Variants in ZNF385D observed in about 807,000 individuals in gnomAD.
ZNF385D encodes the protein zinc finger protein 659.
A neutral mutation model predicts 35.8 loss-of-function variants in ZNF385D; 15 were observed. The ratio of observed to expected loss-of-function variants is 0.42; its 90% CI spans 0.28 to 0.64. The LOEUF is 0.64. ZNF385D is among the 30% of genes least tolerant of loss of function. The pLI, the probability that ZNF385D is intolerant of heterozygous loss-of-function variation, is 0.23. For synonymous variants in ZNF385D, 212 were observed against 186.8 expected (o/e 1.13, Z -1.10); for missense variants, 474 against 494.6 (o/e 0.96, Z 0.39).
At chr3:22,164,698 T>C (rs1414776070) in intron 3 of ZNF385D, among the ~76,000 whole-genome samples, 1 of 151,928 alleles carries the variant, frequency 6.6e-6, no homozygotes, top group Non-Finnish European at 1.5e-5. Context: ...CTCTGTTGTA[T>C]AATGCTTTAA....
At chr3:22,126,735 G>T (rs1190283229) in intron 3 of ZNF385D, among the ~76,000 whole-genome samples, 2 of 152,048 alleles carry the variant, frequency 1.3e-5, no homozygotes, top group Non-Finnish European at 1.5e-5. Flanking sequence ...ATATCTCTTT[G>T]TTGATTTTCT....
At chr3:22,155,480 G>A (rs1021695138) in intron 3 of ZNF385D, among the ~76,000 whole-genome samples, 1 of 151,996 alleles carries the variant, frequency 6.6e-6, no homozygotes, top group African/African-American at 2.4e-5. Context: ...AGAATAGCAA[G>A]AATTACAAAC....
intron 3 of ZNF385D, among the ~76,000 whole-genome samples, chr3:22,045,976 G>GA (rs1698983306): frequency 6.6e-6 from 1 of 152,066 alleles, no homozygotes; most frequent in East Asian, 1.9e-4. Flanking sequence ...CTCCAGGGAA[G>GA]AAAAATAATG....
chr3:21,906,317 G>A (rs189035954), intron 3 of ZNF385D, among the ~76,000 whole-genome samples: 1 of 152,258 alleles, frequency 6.6e-6, no homozygotes, highest in East Asian at 1.9e-4. Context: ...GATGAACATA[G>A]AAAGACGCAC....
intron 2 of ZNF385D, among the ~76,000 whole-genome samples, chr3:22,351,196 AATTGGT>A: frequency 6.6e-6 from 1 of 152,116 alleles, no homozygotes; most frequent in Admixed American, 6.6e-5. Flanking sequence ...AAGTAGCCAG[AATTGGT>A]TTTGTTTTCC....
In ZNF385D at chr3:22,113,657, A is replaced by G. The variant is rs530767267; in HGVS notation, c.325+55160T>C. On this transcript the variant is annotated intron_variant, in intron 3 of 5. Transcript: ENST00000494108. ...CACAGGACTGGTCTTGTTGCCAAAT[A>G]CTAGGAGTGTCTTAGAAGCCAGGGA... 3.3e-5 allele frequency among the ~76,000 whole-genome samples: 5 copies of G among 152,218 alleles called. No individual in the cohort carries two copies. In the South Asian group the frequency reaches 1.0e-3, roughly 32 times the overall value.
At chr3:21,733,978 T>C (rs1367761017) in intron 1 of ZNF385D, among the ~76,000 whole-genome samples, 3 of 152,030 alleles carry the variant, frequency 2.0e-5, no homozygotes, top group Non-Finnish European at 4.4e-5. Context: ...TATTTAATTA[T>C]TATGTTTTTT....
At chr3:21,814,649 T>C (rs1411671946) in intron 3 of ZNF385D, among the ~76,000 whole-genome samples, 4 of 152,192 alleles carry the variant, frequency 2.6e-5, no homozygotes, top group Non-Finnish European at 5.9e-5. Context: ...TAAATATATA[T>C]GCACCCAATA....
intron 3 of ZNF385D, among the ~76,000 whole-genome samples, chr3:22,164,959 A>G (rs923189337): frequency 6.6e-6 from 1 of 152,208 alleles, no homozygotes; most frequent in African/African-American, 2.4e-5. Flanking sequence ...GATATTCTGA[A>G]AAAGTCAAAA....
Position 21,681,298 on chromosome 3 carries a change from TAAAAAAAAAA to T in ZNF385D, c.23-16280_23-16271del, listed in dbSNP as rs55872870. On this transcript the variant is annotated intron_variant, in intron 1 of 7. Coordinates refer to ENST00000281523, the MANE Select transcript of ZNF385D (RefSeq NM_024697.3). ...AGCCTATGTGAATATATTCCATCAG[TAAAAAAAAAA>T]AAAAAAAAAAAAAAAACCTACATTT... 8.1e-3 allele frequency among the ~76,000 whole-genome samples: 521 copies of T among 64,482 alleles called. 14 individuals are homozygous for T. The South Asian group carries it at 0.1, about 13-fold the overall frequency. The allele number at this position is 64,482 out of a possible 152,430, so 42.3% of individuals were successfully genotyped here.
intron 3 of ZNF385D, among the ~76,000 whole-genome samples, chr3:21,934,043 C>T (rs1305687920): frequency 1.3e-5 from 2 of 151,594 alleles, no homozygotes; most frequent in Admixed American, 6.6e-5. Context: ...AAAAAAAGTG[C>T]TGAAAAATGA....
chr3:21,663,913 A>T (rs1399749505), intron 2 of ZNF385D, among the ~76,000 whole-genome samples: 1 of 121,432 alleles, frequency 8.2e-6, no homozygotes, highest in African/African-American at 3.1e-5. Flanking sequence ...ATATATATAT[A>T]TATATTTATT....
chr3:21,676,756 T>A (rs926284197), intron 1 of ZNF385D, among the ~76,000 whole-genome samples: 9 of 151,734 alleles, frequency 5.9e-5, no homozygotes, highest in Middle Eastern at 3.2e-3. Context: ...TAGGTAGAAT[T>A]AGAAACCAGA....
At chr3:21,664,374 CT>C (rs1229628274) in intron 2 of ZNF385D, among the ~76,000 whole-genome samples, 1 of 152,126 alleles carries the variant, frequency 6.6e-6, no homozygotes, top group Non-Finnish European at 1.5e-5. Flanking sequence ...CACTAAAACT[CT>C]TGCTACCAGA....
intron 3 of ZNF385D, among the ~76,000 whole-genome samples, chr3:22,021,359 A>G (rs1697215232): frequency 6.6e-6 from 1 of 152,056 alleles, no homozygotes; most frequent in African/African-American, 2.4e-5. Context: ...AAGAAATGTT[A>G]GAAATCCACA....
At chr3:22,286,703 TTCC>T (rs1702041812) in intron 2 of ZNF385D, among the ~76,000 whole-genome samples, 1 of 152,146 alleles carries the variant, frequency 6.6e-6, no homozygotes, top group Non-Finnish European at 1.5e-5. Flanking sequence ...CTTTCCATGA[TTCC>T]TCCTCTTACT....
chr3:22,088,986 T>C lies in ZNF385D; in HGVS notation c.325+79831A>G, dbSNP rs140978510. Among the ~76,000 whole-genome samples the C allele has an allele frequency of 4.9e-3, 749 of 152,316 alleles. 4 individuals carry two copies. Among genetic ancestry groups the C allele is most frequent in the African/African-American group, 0.017 (723 of 41,570 alleles). ...CACTCTTAAAAGATTTAATTGAAGA[T>C]TGTAAATTGTAACATTTACATCGTA... On this transcript the variant is annotated intron_variant, in intron 3 of 5. Coordinates refer to the ZNF385D transcript ENST00000494108.
rs544176074 is a variant in ZNF385D at position 22,287,949 on chromosome 3, A to C, written c.106+84501T>G. 4.3e-4 allele frequency among the ~76,000 whole-genome samples: 66 copies of C among 152,214 alleles called. No individual in the cohort carries two copies. The South Asian group carries it at 0.013, about 29-fold the overall frequency. On this transcript the variant is annotated intron_variant, in intron 2 of 5. Transcript: ENST00000494108. Reference sequence around the variant, plus strand: ...TTTTGTGAGGAAGTTCAGTGGGAATAAACTCCCTTAGCTTTTGTTTGTCTG... The same window carrying C: ...TTTTGTGAGGAAGTTCAGTGGGAATCAACTCCCTTAGCTTTTGTTTGTCTG...
intron 2 of ZNF385D, among the ~76,000 whole-genome samples, chr3:22,273,990 T>C (rs904811046): frequency 5.9e-5 from 9 of 152,036 alleles, no homozygotes; most frequent in Non-Finnish European, 1.3e-4. Context: ...TATATTCTGG[T>C]AGCATTTGGA....
Sources: allele counts gnomAD v4.1 joint callset (sites outside exome capture counted in the v4.1 genomes callset), GRCh38; gene constraint gnomAD v4.1.1; transcripts MANE v1.5; gene names NCBI Gene and HGNC (gene_info 2026-07-23, HGNC 2026-07-21).